Variants in OTUD7A observed in about 807,000 individuals in gnomAD.
OTUD7A encodes OTU domain-containing protein 7A.
In OTUD7A, 12 loss-of-function variants were observed where a neutral mutation model predicts 65.7. That is an observed-to-expected ratio of 0.18 (90% CI 0.12 to 0.30). The LOEUF is 0.30. Among genes scored for constraint, OTUD7A ranks in the 10% least tolerant of loss-of-function variants. OTUD7A has a pLI of 1.00. For missense variants in OTUD7A, 1,148 were observed against 1,304.8 expected (o/e 0.88, Z 1.85); for synonymous variants, 641 against 586.3 (o/e 1.09, Z -1.35).
intron 1 of OTUD7A, among the ~76,000 whole-genome samples, chr15:31,832,278 G>A (rs749921554): frequency 6.6e-6 from 1 of 152,144 alleles, no homozygotes; most frequent in Non-Finnish European, 1.5e-5. Context: ...TCTTGGCATG[G>A]CAACCTGAAA....
intron 1 of OTUD7A, among the ~76,000 whole-genome samples, chr15:31,698,313 T>C (rs994525051): frequency 5.9e-5 from 9 of 152,220 alleles, no homozygotes; most frequent in Non-Finnish European, 1.2e-4. Flanking sequence ...TATCATGACC[T>C]GTTGATACTT....
At chr15:31,578,250 T>C (rs12899987) in intron 3 of OTUD7A, among the ~76,000 whole-genome samples, 35,044 of 152,080 alleles carry the variant, frequency 0.23, 4,353 homozygotes, top group African/African-American at 0.31. Flanking sequence ...AATATCCACA[T>C]TTAATATCCA....
chr15:31,813,387 G>A (rs183635096), intron 1 of OTUD7A, among the ~76,000 whole-genome samples: 7 of 152,292 alleles, frequency 4.6e-5, no homozygotes, highest in South Asian at 2.1e-4. Context: ...CTTAGGTCAC[G>A]ATGATTTACT....
At chr15:31,847,056 A>T (rs992055343) in intron 1 of OTUD7A, among the ~76,000 whole-genome samples, 15 of 152,196 alleles carry the variant, frequency 9.9e-5, no homozygotes, top group African/African-American at 2.9e-4. Flanking sequence ...CTATGCCAAG[A>T]GGGCAGGGCA....
At chr15:31,845,983 A>C (rs546559002) in intron 1 of OTUD7A, among the ~76,000 whole-genome samples, 6 of 152,286 alleles carry the variant, frequency 3.9e-5, no homozygotes, top group Admixed American at 2.0e-4. Flanking sequence ...GTGGGATGCC[A>C]GGGACTCAGC....
rs543164869 is a variant in OTUD7A at position 31,520,744 on chromosome 15, T to G, written c.893+5605A>C. Among the ~76,000 whole-genome samples the G allele has an allele frequency of 2.9e-3, 441 of 152,208 alleles. 2 individuals are homozygous for G. The highest frequency in any genetic ancestry group is 9.9e-3 in the African/African-American group (411 of 41,534). The stretch of plus-strand genomic sequence containing the variant: ...ACAGTGTGGAGATTTCTCAAAGAAC[T>G]AAAAATAGAACTACCACTCAATCCA... On this transcript the variant is annotated intron_variant, in intron 8 of 12. Coordinates refer to ENST00000307050, the MANE Select transcript of OTUD7A (RefSeq NM_001382637.1).
chr15:31,531,818 G>A (rs1887634105), intron 5 of OTUD7A, among the ~76,000 whole-genome samples: 1 of 152,156 alleles, frequency 6.6e-6, no homozygotes, highest in Admixed American at 6.5e-5. Flanking sequence ...CCCACTGGGT[G>A]GTAATAAGCA....
intron 1 of OTUD7A, among the ~76,000 whole-genome samples, chr15:31,658,274 C>T (rs1307160526): frequency 6.6e-6 from 1 of 152,204 alleles, no homozygotes; most frequent in Non-Finnish European, 1.5e-5. Context: ...AATGAACTCT[C>T]AACAGGGACC....
At chr15:31,835,311 A>G (rs981377356) in intron 1 of OTUD7A, among the ~76,000 whole-genome samples, 4 of 152,258 alleles carry the variant, frequency 2.6e-5, no homozygotes, top group Non-Finnish European at 5.9e-5. Flanking sequence ...TGACTCAAGC[A>G]TATGTTAAAC....
At chr15:31,841,272 C>G (rs529648425) in intron 1 of OTUD7A, among the ~76,000 whole-genome samples, 2 of 152,248 alleles carry the variant, frequency 1.3e-5, no homozygotes, top group Admixed American at 6.5e-5. Context: ...CTGTTGGCCT[C>G]AGAGAGAGTG....
At chr15:31,776,559 G>T (rs1567017419) in intron 1 of OTUD7A, among the ~76,000 whole-genome samples, 1 of 152,196 alleles carries the variant, frequency 6.6e-6, no homozygotes, top group Non-Finnish European at 1.5e-5. Context: ...TCAGCCTCAG[G>T]TATGTGGGGA....
At chr15:31,574,698 C>T (rs1018565464) in intron 3 of OTUD7A, among the ~76,000 whole-genome samples, 2 of 152,208 alleles carry the variant, frequency 1.3e-5, no homozygotes, top group African/African-American at 4.8e-5. Flanking sequence ...GCTTTGACAT[C>T]TTGGGGCCTT....
chr15:31,743,986 A>C (rs1894409895), intron 1 of OTUD7A, among the ~76,000 whole-genome samples: 1 of 152,216 alleles, frequency 6.6e-6, no homozygotes, highest in African/African-American at 2.4e-5. Context: ...GTGAAGAAAT[A>C]TGTTCATAAA....
intron 1 of OTUD7A, among the ~76,000 whole-genome samples, chr15:31,854,429 T>C (rs1382824148): frequency 6.6e-6 from 1 of 152,214 alleles, no homozygotes; most frequent in African/African-American, 2.4e-5. Flanking sequence ...TGGGGGGTCA[T>C]TATTCTGCCC....
chr15:31,628,569 A>T (rs985332483), intron 3 of OTUD7A, among the ~76,000 whole-genome samples: 1 of 152,102 alleles, frequency 6.6e-6, no homozygotes, highest in Non-Finnish European at 1.5e-5. Context: ...TTGACTTGGC[A>T]ATGCGGGCTC....
intron 1 of OTUD7A, among the ~76,000 whole-genome samples, chr15:31,699,247 T>C (rs1893157326): frequency 6.6e-6 from 1 of 151,964 alleles, no homozygotes; most frequent in Non-Finnish European, 1.5e-5. Flanking sequence ...GCCCGGCTAA[T>C]TTTTTGTAGT....
At chr15:31,827,587 T>G (rs1336294865) in intron 1 of OTUD7A, among the ~76,000 whole-genome samples, 2 of 152,202 alleles carry the variant, frequency 1.3e-5, no homozygotes, top group Non-Finnish European at 2.9e-5. Flanking sequence ...CACAGTTTTC[T>G]TTTTATTGTA....
In OTUD7A at chr15:31,617,243, C is replaced by T. The variant is rs138746522; in HGVS notation, c.151+37853G>A. ...GTGGCTCACGCCTGTAATCCCAGCA[C>T]TTTGGGAGGCCGAGGTGGATGGATC... On this transcript the variant is annotated intron_variant, in intron 3 of 12. Coordinates refer to ENST00000307050, the MANE Select transcript of OTUD7A (RefSeq NM_001382637.1). Among the ~76,000 whole-genome samples, 1,418 of 152,270 alleles carry T rather than the reference C, an allele frequency of 9.3e-3. 30 individuals carry two copies. The highest frequency in any genetic ancestry group is 0.031 in the African/African-American group (1,302 of 41,544).
At position 31,631,706 on chromosome 15, in the gene OTUD7A, C is replaced by T. The variant is rs1269739973; in HGVS notation, c.151+23390G>A. Reference sequence around the variant, plus strand: ...TGTTTTCCAACTTGGTTCCATTCTCCCCATCACTTTCAGGTACACCAATCA... The same window carrying T: ...TGTTTTCCAACTTGGTTCCATTCTCTCCATCACTTTCAGGTACACCAATCA... On this transcript the variant is annotated intron_variant, in intron 3 of 12. Transcript: ENST00000307050. 2.6e-5 allele frequency among the ~76,000 whole-genome samples: 4 copies of T among 152,290 alleles called. No homozygotes were observed. In the East Asian group the frequency reaches 5.8e-4, roughly 22 times the overall value.
Sources: gnomAD v4.1 joint callset for allele counts (sites outside exome capture counted in the v4.1 genomes callset) on GRCh38, gnomAD v4.1.1 for gene constraint, MANE v1.5 for transcripts, NCBI Gene and HGNC (gene_info 2026-07-23, HGNC 2026-07-21) for gene names.